The following MAF variants were observed in gnomAD, a reference collection of about 807,000 sequenced individuals.
MAF encodes MAF bZIP transcription factor.
In MAF, 10 loss-of-function variants were observed where a neutral mutation model predicts 22.0. That is an observed-to-expected ratio of 0.45 (90% confidence interval 0.28 to 0.77). The LOEUF is 0.77. MAF is among the 30% of genes least tolerant of loss of function. The pLI is 0.12. For missense variants in MAF, 544 were observed against 548.4 expected, an observed-to-expected ratio of 0.99 and a Z score of 0.08; for synonymous variants, 337 against 255.8, an observed-to-expected ratio of 1.32 and a Z score of -3.03.
chr16:79,274,781 G>C, the MAF span, among the ~76,000 whole-genome samples: 1 of 152,166 alleles, frequency 6.6e-6, no homozygotes, highest in African/African-American at 2.4e-5. Flanking sequence ...AAGGGGTCAA[G>C]GCTGTGAGTC....
the MAF span, among the ~76,000 whole-genome samples, chr16:79,385,714 A>G: frequency 6.6e-6 from 1 of 152,192 alleles, no homozygotes; most frequent in African/African-American, 2.4e-5. Context: ...GAGCCTGGCC[A>G]ACATGGCAAA....
the MAF span, among the ~76,000 whole-genome samples, chr16:79,382,665 AC>A: frequency 2.6e-5 from 4 of 152,166 alleles, no homozygotes; most frequent in African/African-American, 4.8e-5. Context: ...TGTTTTCTCC[AC>A]CTCCAAACAC....
At chr16:79,292,555 C>T in the MAF span, among the ~76,000 whole-genome samples, 1 of 152,146 alleles carries the variant, frequency 6.6e-6, no homozygotes, top group Admixed American at 6.5e-5. Context: ...AGAGAAAGAA[C>T]TCAGAAGTAT....
the MAF span, among the ~76,000 whole-genome samples, chr16:79,574,039 G>A: frequency 2.0e-5 from 3 of 152,302 alleles, no homozygotes; most frequent in African/African-American, 4.8e-5. Flanking sequence ...GCTACTCACC[G>A]ATACAGGGCT....
At chr16:79,365,205 C>G in the MAF span, among the ~76,000 whole-genome samples, 3 of 152,186 alleles carry the variant, frequency 2.0e-5, no homozygotes, top group African/African-American at 7.2e-5. Context: ...AGATCTCAAT[C>G]TAAATGTCAT....
chr16:79,417,135 T>A, the MAF span, among the ~76,000 whole-genome samples: 11 of 152,340 alleles, frequency 7.2e-5, no homozygotes, highest in African/African-American at 2.6e-4. Context: ...ATTCTCATTT[T>A]CATTTGAGGC....
chr16:79,323,147 TAAAAAAAAAAAAAAAAAAA>T, the MAF span, among the ~76,000 whole-genome samples: 34 of 19,870 alleles, frequency 1.7e-3, no homozygotes, highest in Admixed American at 2.0e-3. Context: ...AGACTCCATC[TAAAAAAAAAAAAAAAAAAA>T]AAAAAAAAAA....
chr16:79,258,991 A>G, the MAF span, among the ~76,000 whole-genome samples: 2 of 152,118 alleles, frequency 1.3e-5, no homozygotes, highest in Non-Finnish European at 2.9e-5. Flanking sequence ...AGGCTGAAAG[A>G]AGGGAGATCC....
At chr16:79,447,809 G>C in the MAF span, among the ~76,000 whole-genome samples, 33 of 148,656 alleles carry the variant, frequency 2.2e-4, no homozygotes, top group Non-Finnish European at 4.0e-4. Flanking sequence ...CAGGAGAATC[G>C]CTTGAGCCCA....
At chr16:79,435,486 T>C in the MAF span, among the ~76,000 whole-genome samples, 2 of 152,240 alleles carry the variant, frequency 1.3e-5, no homozygotes, top group South Asian at 2.1e-4. Flanking sequence ...GCTTGTACTA[T>C]GTCCCAAGAC....
At chr16:79,481,234 G>T in the MAF span, among the ~76,000 whole-genome samples, 10 of 148,340 alleles carry the variant, frequency 6.7e-5, no homozygotes, top group African/African-American at 7.5e-5. Flanking sequence ...TTCCACAACA[G>T]TTTTTTTTTT....
At chr16:79,298,699 G>C in the MAF span, among the ~76,000 whole-genome samples, 2 of 152,222 alleles carry the variant, frequency 1.3e-5, 1 homozygote, top group Admixed American at 1.3e-4. Flanking sequence ...GCATGGAGCT[G>C]GGCGTAATAC....
the MAF span, among the ~76,000 whole-genome samples, chr16:79,541,396 G>C: frequency 1.3e-5 from 2 of 152,068 alleles, no homozygotes; most frequent in Non-Finnish European, 2.9e-5. Flanking sequence ...GAGTGAGGCA[G>C]TCATGCGCAG....
At chr16:79,425,419 C>G in the MAF span, among the ~76,000 whole-genome samples, 1 of 152,140 alleles carries the variant, frequency 6.6e-6, no homozygotes, top group Non-Finnish European at 1.5e-5. Context: ...ATAAAAGGCA[C>G]AATTTGTGGC....
At chr16:79,225,963 C>T in the MAF span, among the ~76,000 whole-genome samples, 13 of 152,194 alleles carry the variant, frequency 8.5e-5, no homozygotes, top group Non-Finnish European at 5.9e-5. Flanking sequence ...TTGTGGAAGA[C>T]AGTGTGGCAA....
At chr16:79,441,580 A>T in the MAF span, among the ~76,000 whole-genome samples, 1 of 152,222 alleles carries the variant, frequency 6.6e-6, no homozygotes, top group African/African-American at 2.4e-5. Context: ...AAAAAATATT[A>T]TGCTTTTTGT....
At chr16:79,215,224 A>T in the MAF span, among the ~76,000 whole-genome samples, 2 of 152,260 alleles carry the variant, frequency 1.3e-5, no homozygotes, top group East Asian at 1.9e-4. Context: ...AGTTGACTAT[A>T]TCCATTCTGG....
the MAF span, among the ~76,000 whole-genome samples, chr16:79,337,331 C>T: frequency 9.2e-5 from 14 of 152,052 alleles, no homozygotes; most frequent in Non-Finnish European, 1.3e-4. Flanking sequence ...CAGCACTTTG[C>T]GAGGCCGAGG....
the MAF span, among the ~76,000 whole-genome samples, chr16:79,436,549 G>A: frequency 5.9e-5 from 9 of 152,152 alleles, no homozygotes; most frequent in African/African-American, 1.7e-4. Flanking sequence ...TCTTCTCACT[G>A]CTGCTTATTT....
Sources: gnomAD v4.1 joint callset for allele counts (sites outside exome capture counted in the v4.1 genomes callset) on GRCh38, gnomAD v4.1.1 for gene constraint, MANE v1.5 for transcripts, NCBI Gene and HGNC (gene_info 2026-07-23, HGNC 2026-07-21) for gene names.